ARHGAP15: variants seen among roughly 807,000 people sequenced by gnomAD.
The protein encoded by ARHGAP15 is rho GTPase-activating protein 15.
In ARHGAP15, 51 loss-of-function variants were observed where a neutral mutation model predicts 63.7. The ratio of observed to expected loss-of-function variants is 0.80; its 90% CI spans 0.64 to 1.01. The LOEUF is 1.01. ARHGAP15 is among the 50% of genes least tolerant of loss of function. The pLI is 0.00. For missense variants in ARHGAP15, 560 were observed against 564.6 expected (o/e 0.99, Z 0.08); for synonymous variants, 191 against 193.8 (o/e 0.99, Z 0.12).
chr2:143,157,500 C>T (rs1156378828), intron 2 of ARHGAP15, among the ~76,000 whole-genome samples: 1 of 151,570 alleles, frequency 6.6e-6, no homozygotes, highest in African/African-American at 2.4e-5. Context: ...CTATAATTAT[C>T]CCAGCTTTTG....
intron 13 of ARHGAP15, among the ~76,000 whole-genome samples, chr2:143,713,865 CCCTG>C (rs1684692363): frequency 6.6e-6 from 1 of 152,164 alleles, no homozygotes; most frequent in Non-Finnish European, 1.5e-5. Flanking sequence ...GCAGCTCTGC[CCCTG>C]TGGCTTTGCA....
chr2:143,653,978 G>A (rs918170904), intron 12 of ARHGAP15, among the ~76,000 whole-genome samples: 1 of 152,132 alleles, frequency 6.6e-6, no homozygotes, highest in Non-Finnish European at 1.5e-5. Flanking sequence ...ACAAGTACAT[G>A]ACATGATTAG....
At chr2:143,339,378 G>C (rs1293691370) in intron 6 of ARHGAP15, among the ~76,000 whole-genome samples, 1 of 152,108 alleles carries the variant, frequency 6.6e-6, no homozygotes, top group African/African-American at 2.4e-5. Context: ...AATAGGGTCA[G>C]ATTCACAAAC....
At chr2:143,145,162 T>C (rs888426627) in intron 1 of ARHGAP15, among the ~76,000 whole-genome samples, 3 of 152,078 alleles carry the variant, frequency 2.0e-5, no homozygotes, top group African/African-American at 7.2e-5. Context: ...TTCTGACCCT[T>C]ACTCTCAGGT....
chr2:143,406,046 G>A (rs1312773734), intron 6 of ARHGAP15, among the ~76,000 whole-genome samples: 1 of 151,758 alleles, frequency 6.6e-6, no homozygotes, highest in Non-Finnish European at 1.5e-5. Context: ...TCAGATCTTT[G>A]AATATTTTTC....
intron 9 of ARHGAP15, among the ~76,000 whole-genome samples, chr2:143,495,340 A>G (rs1051447878): frequency 1.3e-5 from 2 of 152,176 alleles, no homozygotes; most frequent in African/African-American, 4.8e-5. Context: ...GCATCTAGGA[A>G]AGGCAGCAGT....
chr2:143,144,031 C>T (rs1041122114), intron 1 of ARHGAP15, among the ~76,000 whole-genome samples: 1 of 151,942 alleles, frequency 6.6e-6, no homozygotes, highest in Non-Finnish European at 1.5e-5. Context: ...GTTTTCTGTT[C>T]CTGTGTTAGT....
intron 6 of ARHGAP15, among the ~76,000 whole-genome samples, chr2:143,420,545 A>G (rs1016219674): frequency 1.3e-5 from 2 of 152,152 alleles, no homozygotes; most frequent in African/African-American, 4.8e-5. Context: ...AATTTTTACT[A>G]TATTTAATTA....
At chr2:143,715,710 A>T (rs929594722) in intron 13 of ARHGAP15, among the ~76,000 whole-genome samples, 1 of 152,128 alleles carries the variant, frequency 6.6e-6, no homozygotes, top group Non-Finnish European at 1.5e-5. Context: ...TGCTGTGCAG[A>T]AGTTCTTTAG....
chr2:143,228,067 C>G (rs1693288284), intron 4 of ARHGAP15: 1 of 152,056 alleles, frequency 6.6e-6, no homozygotes, highest in Non-Finnish European at 1.5e-5. Context: ...AGGGAAAAAG[C>G]ATGTCACTAT....
intron 11 of ARHGAP15, among the ~76,000 whole-genome samples, chr2:143,605,858 CAAAAAAAAAAAAAAA>C (rs373847590): frequency 2.3e-5 from 2 of 85,306 alleles, no homozygotes; most frequent in Non-Finnish European, 4.7e-5. Context: ...TACTAAAATA[CAAAAAAAAAAAAAAA>C]AAAAAAAAAA....
chr2:143,411,097 C>T (rs761923457), intron 6 of ARHGAP15, among the ~76,000 whole-genome samples: 39 of 151,928 alleles, frequency 2.6e-4, no homozygotes, highest in Non-Finnish European at 1.9e-4. Flanking sequence ...CCCAGCTACT[C>T]GGGAGACTGA....
chr2:143,690,220 A>G (rs1254952948), intron 12 of ARHGAP15, among the ~76,000 whole-genome samples: 1 of 152,196 alleles, frequency 6.6e-6, no homozygotes, highest in African/African-American at 2.4e-5. Context: ...TTATTCTTAA[A>G]TTTTTGTCAC....
intron 6 of ARHGAP15, among the ~76,000 whole-genome samples, chr2:143,363,391 A>G (rs1218049466): frequency 6.6e-6 from 1 of 152,068 alleles, no homozygotes; most frequent in Non-Finnish European, 1.5e-5. Context: ...AATACAAAAA[A>G]TTAATTGGGC....
intron 5 of ARHGAP15, among the ~76,000 whole-genome samples, chr2:143,230,478 G>A (rs1425085861): frequency 6.6e-6 from 1 of 152,130 alleles, no homozygotes; most frequent in African/African-American, 2.4e-5. Context: ...GACTTGACTT[G>A]TAGAAGAAAT....
chr2:143,369,056 C>CA (rs1303341760), intron 6 of ARHGAP15, among the ~76,000 whole-genome samples: 2 of 151,898 alleles, frequency 1.3e-5, no homozygotes, highest in African/African-American at 2.4e-5. Flanking sequence ...CAAGGGAGCC[C>CA]AAAAAACAAT....
intron 13 of ARHGAP15, among the ~76,000 whole-genome samples, chr2:143,740,875 A>G (rs1271844045): frequency 6.6e-6 from 1 of 152,158 alleles, no homozygotes; most frequent in Non-Finnish European, 1.5e-5. Flanking sequence ...AAATGCTAAT[A>G]CCATCCCATC....
chr2:143,573,778 G>T (rs1022725581), intron 11 of ARHGAP15, among the ~76,000 whole-genome samples: 1 of 152,064 alleles, frequency 6.6e-6, no homozygotes, highest in African/African-American at 2.4e-5. Flanking sequence ...GGGTTTGGAG[G>T]TGCACTCTTC....
intron 3 of ARHGAP15, among the ~76,000 whole-genome samples, chr2:143,214,280 T>G (rs6727972): frequency 0.17 from 26,335 of 152,018 alleles, 2,483 homozygotes; most frequent in Middle Eastern, 0.25. Flanking sequence ...AAAACTTAAA[T>G]AAAACAATAA....
Sources: allele counts gnomAD v4.1 joint callset (sites outside exome capture counted in the v4.1 genomes callset), GRCh38; gene constraint gnomAD v4.1.1; transcripts MANE v1.5; gene names NCBI Gene and HGNC (gene_info 2026-07-23, HGNC 2026-07-21).